ZNF581: variants seen among roughly 807,000 people sequenced by gnomAD.
ZNF581 encodes zinc finger protein 581.
In ZNF581, 1 loss-of-function variant was observed where a neutral mutation model predicts 1.2. The observed-to-expected ratio is 0.83, with a 90% CI of 0.30 to 3.95. The LOEUF (loss-of-function observed/expected upper bound fraction) is 3.95. ZNF581 is among the 30% of genes most tolerant of loss of function. The pLI is 0.18. For synonymous variants in ZNF581, 105 were observed against 109.2 expected (o/e 0.96, Z 0.24); for missense variants, 273 against 274.6 (o/e 0.99, Z 0.04).
chr19:55,642,547 C>A, upstream of ZNF581: 1 of 1,451,000 alleles, frequency 6.9e-7, no homozygotes, highest in Non-Finnish European at 9.1e-7. Context: ...ACCCTCGGTC[C>A]TCCTCTCCGG....
chr19:55,645,041 C>A lies in ZNF581; in HGVS notation c.470C>A (p.Ala157Glu). 1.3e-6 allele frequency: 2 copies of A among 1,585,826 alleles called. No individual in the cohort carries two copies. Among genetic ancestry groups the A allele is most frequent in the Non-Finnish European group, 1.7e-6 (2 of 1,161,050 alleles). The stretch of plus-strand genomic sequence containing the variant: ...CTCTGCCCTCGCCGCTTCCGGGATG[C>A]GGGTGAGCTGGCCCAGCACAGCCGG... The part of the protein sequence containing the change: ...CPLCPRRFRD[A>E]GELAQHSRVH... Residue 157 changes from alanine to glutamate, a missense_variant, in exon 2 of 2, where the codon GCG becomes GAG. Coordinates refer to ENST00000270451, the MANE Select transcript of ZNF581 (RefSeq NM_016535.4).
upstream of ZNF581, chr19:55,642,544 GTCC>G: frequency 6.9e-7 from 1 of 1,447,736 alleles, no homozygotes; most frequent in Non-Finnish European, 9.1e-7. Context: ...CCCACCCTCG[GTCC>G]TCCTCTCCGG....
upstream of ZNF581, among the ~76,000 whole-genome samples, chr19:55,637,356 T>G (rs1600035059): frequency 6.6e-6 from 1 of 151,898 alleles, no homozygotes; most frequent in Non-Finnish European, 1.5e-5. Flanking sequence ...GGCAACAGGG[T>G]GAAACCCTGT....
In ZNF581 at chr19:55,644,901, G is replaced by A. The variant is rs369967932; in HGVS notation, c.330G>A (p.Ser110=). 11 of 1,613,846 alleles carry A rather than the reference G, an allele frequency of 6.8e-6. No homozygotes were observed. The highest frequency in any genetic ancestry group is 4.5e-5 in the East Asian group (2 of 44,894). ...TTCAGCGACACAGCATCACCCACTC[G>A]GAGGTAAAGCCCTTCGAGTGTGACA... is the stretch of plus-strand genomic sequence containing the variant. ...SYLQRHSITH[S]EVKPFECDIC... The change falls in exon 2 of 2, where the codon TCG becomes TCA. Residue 110 remains serine, a synonymous_variant. Coordinates refer to ENST00000270451, the MANE Select transcript of ZNF581 (RefSeq NM_016535.4). The surrounding 1 kb of genome is among the most constrained non-coding windows in gnomAD (Gnocchi z 4.3).
rs769550215 is a variant in ZNF581, at chr19:55,645,029, G to A, written c.458G>A (p.Arg153His). The A allele has an allele frequency of 1.3e-5, 21 of 1,589,986 alleles. No homozygotes were observed. Among genetic ancestry groups the A allele is most frequent in the Middle Eastern group, 1.7e-4 (1 of 5,998 alleles). ...CACGGCTGCCCGCTCTGCCCTCGCC[G>A]CTTCCGGGATGCGGGTGAGCTGGCC... The part of the protein sequence containing the change: ...RPHGCPLCPR[R>H]FRDAGELAQH... The change falls in exon 2 of 2, where the codon CGC (arginine) becomes CAC (histidine). Residue 153 changes from arginine (R) to histidine (H), a missense_variant. Physicochemically the swap from Arg to His is conservative, Grantham distance 29. Coordinates refer to ENST00000270451, the MANE Select transcript of ZNF581 (RefSeq NM_016535.4).
chr19:55,637,462 GGGAGGT>G (rs1982158657), upstream of ZNF581, among the ~76,000 whole-genome samples: 1 of 152,146 alleles, frequency 6.6e-6, no homozygotes, highest in Admixed American at 6.6e-5. Flanking sequence ...GCTTGAACCT[GGGAGGT>G]GGAGGCTGCA....
In ZNF581 at chr19:55,644,693, C is replaced by T. The variant is rs1230616273; in HGVS notation, c.122C>T (p.Ser41Phe). The change falls in exon 2 of 2, where the codon TCT (serine) becomes TTT (phenylalanine). Residue 41 changes from serine to phenylalanine, a missense_variant. Ser to Phe is a radical substitution (Grantham distance 155, BLOSUM62 -2). Coordinates refer to ENST00000270451, the MANE Select transcript of ZNF581 (RefSeq NM_016535.4). This position sits in a 1 kb window ranked among gnomAD's most constrained non-coding sequence, Gnocchi z 4.3. ...PEPGPSSSIGSPQASSPPRPN... is the reference protein window; with the variant it reads ...PEPGPSSSIGFPQASSPPRPN... ...CCTGGACCTTCCTCCTCCATCGGATCTCCCCAGGCTTCATCTCCTCCAAGG... is the reference window on the plus strand; with the variant it reads ...CCTGGACCTTCCTCCTCCATCGGATTTCCCCAGGCTTCATCTCCTCCAAGG... 1.1e-5 allele frequency: 18 copies of T among 1,613,686 alleles called. No individual in the cohort carries two copies. Among genetic ancestry groups the T allele is most frequent in the Non-Finnish European group, 1.4e-5 (17 of 1,179,820 alleles).
At chr19:55,637,300 C>T (rs931655421), upstream of ZNF581, among the ~76,000 whole-genome samples, 2 of 152,164 alleles carry the variant, frequency 1.3e-5, no homozygotes, top group African/African-American at 2.4e-5. Flanking sequence ...CTTTGGGAGG[C>T]TGAGGCAGGC....
chr19:55,642,255 G>A, upstream of ZNF581: 1 of 1,230,770 alleles, frequency 8.1e-7, no homozygotes, highest in Non-Finnish European at 1.0e-6. Context: ...GGTGAGAGGT[G>A]GACCCAGGAG....
At chr19:55,640,118 ACT>A (rs1287904035), upstream of ZNF581, 2 of 984,648 alleles carry the variant, frequency 2.0e-6, no homozygotes, top group South Asian at 4.7e-5. Flanking sequence ...TCTGTCCCCC[ACT>A]CTCAGCTGCA....
At chr19:55,642,873 G>T, upstream of ZNF581, 1 of 1,565,488 alleles carries the variant, frequency 6.4e-7, no homozygotes, top group Non-Finnish European at 8.6e-7. Flanking sequence ...CCCTTCACGT[G>T]CGGCGCCTGC....
upstream of ZNF581, chr19:55,642,204 A>C: frequency 8.6e-7 from 1 of 1,157,270 alleles, no homozygotes; most frequent in Non-Finnish European, 1.1e-6. Flanking sequence ...GAGAAAAGGG[A>C]AGAAAAGTCG....
At chr19:55,635,825 G>A (rs1221016706) in intron 1 of ZNF581, 8 of 662,390 alleles carry the variant, frequency 1.2e-5, no homozygotes, top group Non-Finnish European at 1.5e-5. Context: ...GGAGCTGGTG[G>A]ACTGGTGAGC....
chr19:55,640,274 A>G, upstream of ZNF581: 1 of 985,466 alleles, frequency 1.0e-6, no homozygotes, highest in Non-Finnish European at 1.2e-6. Flanking sequence ...TCGACGCCGG[A>G]GTCCTTCGCA....
chr19:55,641,056 C>T (rs994635251), upstream of ZNF581: 2 of 985,278 alleles, frequency 2.0e-6, no homozygotes, highest in Non-Finnish European at 1.2e-6. Flanking sequence ...CCAGTCCCCG[C>T]GTCCCCGGCG....
At chr19:55,642,825 G>C, upstream of ZNF581, 1 of 1,575,092 alleles carries the variant, frequency 6.3e-7, no homozygotes, top group Non-Finnish European at 8.6e-7. Context: ...AGCCCTCTGC[G>C]GCTGCAGAGC....
At chr19:55,638,281 C>T (rs1246712519), upstream of ZNF581, among the ~76,000 whole-genome samples, 2 of 152,214 alleles carry the variant, frequency 1.3e-5, no homozygotes, top group East Asian at 1.9e-4. Context: ...GCTCTGTTGC[C>T]AGGCTGGAGT....
upstream of ZNF581, chr19:55,643,078 G>T: frequency 9.0e-6 from 12 of 1,336,638 alleles, no homozygotes; most frequent in South Asian, 4.3e-5. Flanking sequence ...CACCAAGTCT[G>T]ACCCACACAG....
At chr19:55,641,033 CACCCCCGCGCCCCCA>C (rs1188027157), upstream of ZNF581, 4 of 985,304 alleles carry the variant, frequency 4.1e-6, no homozygotes, top group African/African-American at 1.7e-5. Flanking sequence ...CAACCCCTCG[CACCCCCGCGCCCCCA>C]GTCCCCGCGT....
Sources: allele counts gnomAD v4.1 joint callset (sites outside exome capture counted in the v4.1 genomes callset), GRCh38; gene constraint gnomAD v4.1.1; non-coding constraint Gnocchi (gnomAD v3.1); transcripts MANE v1.5; gene names NCBI Gene and HGNC (gene_info 2026-07-23, HGNC 2026-07-21).